LAMB3: variants seen among roughly 807,000 people sequenced by gnomAD.
LAMB3 encodes laminin subunit beta-3.
In LAMB3, 104 loss-of-function variants were observed where a neutral mutation model predicts 140.3. That is an observed-to-expected ratio of 0.74 (90% CI 0.63 to 0.87). LAMB3 has a LOEUF of 0.87. LAMB3 is among the 40% of genes least tolerant of loss of function. The probability of loss-of-function intolerance (pLI) is 0.00; values close to 1 mark genes in which losing one functional copy is unlikely to be tolerated. For synonymous variants in LAMB3, 592 were observed against 602.9 expected, an observed-to-expected ratio of 0.98 and a Z score of 0.26; for missense variants, 1,531 against 1,575.2, an observed-to-expected ratio of 0.97 and a Z score of 0.47.
In LAMB3 at chr1:209,616,550, C is replaced by T; in HGVS notation, c.3303G>A (p.Gln1101=). 6.2e-7 allele frequency: 1 copy of T among 1,614,146 alleles called. No individual in the cohort carries two copies. Among genetic ancestry groups the T allele is most frequent in the Non-Finnish European group, 8.5e-7 (1 of 1,179,994 alleles). Residue 1101 remains glutamine (Q), a synonymous_variant, in exon 22 of 23, where the codon CAG becomes CAA. Transcript: ENST00000356082. The part of the protein sequence containing the change: ...RLGQSSMLGE[Q]GARIQSVKTE... ...TCTTCACACTCTGGATCCGGGCACCCTGCTCACCCAGCATGGAACTCTGAC... is the reference window on the plus strand; with the variant it reads ...TCTTCACACTCTGGATCCGGGCACCTTGCTCACCCAGCATGGAACTCTGAC...
In LAMB3 at chr1:209,626,008, C is replaced by T. The variant is rs530692211; in HGVS notation, c.1616G>A (p.Arg539Gln). The change falls in exon 14 of 23, where the codon CGG becomes CAG. Residue 539 changes from arginine to glutamine, a missense_variant. By Grantham distance (43) the Arg-to-Gln change is conservative. Transcript: ENST00000356082. ...TGCRACDCDFRGTEGPGCDKA... is the reference protein window; with the variant it reads ...TGCRACDCDFQGTEGPGCDKA... ...GTCGCAGCCCGGGCCCTCTGTTCCC[C>T]GGAAATCACAGTCACAGGCTAGGGC... The T allele has an allele frequency of 2.8e-4, 458 of 1,612,854 alleles. 3 individuals carry two copies. In the South Asian group the frequency reaches 3.3e-3, roughly 12 times the overall value.
At chr1:209,650,890 C>T (rs746457027) in intron 2 of LAMB3, 27 bp downstream of exon 2, 28 of 1,612,262 alleles carry the variant, frequency 1.7e-5, no homozygotes, top group Non-Finnish European at 2.3e-5. Flanking sequence ...TATAACAGGG[C>T]CTGGAAGGAT....
Position 209,634,512 on chromosome 1 carries a change from T to A in LAMB3, c.499A>T (p.Ser167Cys). 6 of 1,614,062 alleles carry A rather than the reference T, an allele frequency of 3.7e-6. No homozygotes were observed. Among genetic ancestry groups the A allele is most frequent in the Non-Finnish European group, 5.1e-6 (6 of 1,179,994 alleles). The part of the protein sequence containing the change: ...FPRVRQGRPQ[S>C]WQDVRCQSLP... ...GACTGGCACCGAACATCCTGCCAGC[T>A]CTGAGGCCGACCCTGGCGGACCCGA... is the stretch of plus-strand genomic sequence containing the variant. The change falls in exon 6 of 23, where the codon AGC becomes TGC. Residue 167 changes from serine (S) to cysteine (C), a missense_variant. Ser to Cys is a moderately radical substitution (Grantham distance 112). Transcript: ENST00000356082.
intron 3 of LAMB3, among the ~76,000 whole-genome samples, chr1:209,640,810 G>A (rs181598581): frequency 1.3e-5 from 2 of 152,090 alleles, no homozygotes; most frequent in Admixed American, 6.5e-5. Flanking sequence ...GGCCAGGCGC[G>A]GTGGCTCACG....
intron 3 of LAMB3, among the ~76,000 whole-genome samples, chr1:209,648,791 T>C (rs2102464028): frequency 6.6e-6 from 1 of 152,192 alleles, no homozygotes; most frequent in East Asian, 1.9e-4. Context: ...TTTTTAGATA[T>C]GGGCTCATAA....
At position 209,615,048 on chromosome 1, in the gene LAMB3, A is replaced by T; in HGVS notation, c.*223T>A. Reference sequence around the variant, plus strand: ...CTTGAGAGCTCTTAGTTTCAATGGCATGCCAATCTCCACCATCTTTGTCTG... The same window carrying T: ...CTTGAGAGCTCTTAGTTTCAATGGCTTGCCAATCTCCACCATCTTTGTCTG... On this transcript the variant is annotated 3_prime_UTR_variant, in exon 23 of 23. Transcript: ENST00000356082. 1.8e-6 allele frequency: 1 copy of T among 564,320 alleles called. No homozygotes were observed. The allele number at this position is 564,320 out of a possible 1,614,324, so 35.0% of individuals were successfully genotyped here. A position where few individuals can be genotyped will look rare whatever the true frequency, so the allele number is the denominator to read the frequency against.
At position 209,618,678 on chromosome 1, in the gene LAMB3, T is replaced by G. The variant is rs1417334816; in HGVS notation, c.2702-19A>C. ...TCGGGGTCTGGAAGACAACACGCAT[T>G]TGACTGTAGGAGCCCACTAACCTCC... On this transcript the variant is annotated intron_variant, in intron 18 of 22. Transcript: ENST00000356082. The G allele has an allele frequency of 6.2e-7, 1 of 1,612,044 alleles. No individual in the cohort carries two copies. Among genetic ancestry groups the G allele is most frequent in the Admixed American group, 1.7e-5 (1 of 59,898 alleles).
rs1392249491 is a variant in LAMB3, at chr1:209,632,772, C to T, written c.633G>A (p.Val211=). The T allele has an allele frequency of 6.2e-6, 10 of 1,614,168 alleles. No individual in the cohort carries two copies. Among genetic ancestry groups the T allele is most frequent in the East Asian group, 2.2e-5 (1 of 44,880 alleles). Residue 211 remains valine (V), a synonymous_variant, in exon 8 of 23, where the codon GTG becomes GTA. Coordinates refer to ENST00000356082, the MANE Select transcript of LAMB3 (RefSeq NM_000228.3). ...TGACTCTCAAGTTTGTGATCTCCCC[C>T]ACCTCTGAGAGGGCCAAACAGCAAG... The part of the protein sequence containing the change: ...PATQSQKIQE[V]GEITNLRVNF...
chr1:209,645,447 T>C (rs2076507943), intron 3 of LAMB3, among the ~76,000 whole-genome samples: 1 of 151,740 alleles, frequency 6.6e-6, no homozygotes, highest in Non-Finnish European at 1.5e-5. Context: ...CCGGGGGGAG[T>C]GGCTCACACC....
chr1:209,629,897 T>C lies in LAMB3; in HGVS notation c.972A>G (p.Thr324=). 1 of 1,614,130 alleles carries C rather than the reference T, an allele frequency of 6.2e-7. No homozygotes were observed. Among genetic ancestry groups the C allele is most frequent in the Non-Finnish European group, 8.5e-7 (1 of 1,180,024 alleles). ...CAAACACAGCGGGGTCAAAGTGACA[T>C]GTCTCTGAGTGCCCATTGCAGTCGC... ...QRCDCNGHSE[T]CHFDPAVFAA... The change falls in exon 10 of 23, where the codon ACA becomes ACG. Residue 324 remains threonine, a synonymous_variant. Transcript: ENST00000356082.
intron 3 of LAMB3, among the ~76,000 whole-genome samples, chr1:209,646,056 C>T (rs1039197743): frequency 6.6e-6 from 1 of 152,196 alleles, no homozygotes; most frequent in African/African-American, 2.4e-5. Context: ...GAGGAATGCG[C>T]TGTGTAAGAC....
chr1:209,632,977 C>T (rs1666749884), intron 7 of LAMB3, 93 bp downstream of exon 7: 1 of 1,143,176 alleles, frequency 8.7e-7, no homozygotes, highest in Non-Finnish European at 1.3e-6. Context: ...TTGACAAAAA[C>T]ATGAAAGACC....
At position 209,650,034 on chromosome 1, in the gene LAMB3, G is replaced by A. The variant is rs1220277494; in HGVS notation, c.113C>T (p.Thr38Ile). The stretch of plus-strand genomic sequence containing the variant: ...GGTAGATGAAGCTCGGAGAAACCGG[G>A]TCCTCCCAACAAGCAGGTCCCCAAC... ...PPVGDLLVGR[T>I]RFLRASSTCG... The change falls in exon 3 of 23, where the codon ACC (threonine) becomes ATC (isoleucine). Residue 38 changes from threonine to isoleucine, a missense_variant. By Grantham distance (89) the Thr-to-Ile change is moderately conservative. Coordinates refer to ENST00000356082, the MANE Select transcript of LAMB3 (RefSeq NM_000228.3). 3 of 1,614,038 alleles carry A rather than the reference G, an allele frequency of 1.9e-6. No individual in the cohort carries two copies. The highest frequency in any genetic ancestry group is 2.7e-5 in the African/African-American group (2 of 74,922).
At chr1:209,628,213 G>T in intron 10 of LAMB3, 23 bp from the exon 11 acceptor site, 3 of 1,551,720 alleles carry the variant, frequency 1.9e-6, no homozygotes, top group Non-Finnish European at 2.6e-6. Flanking sequence ...AGCAGCCACC[G>T]CAGTAGGAAC....
chr1:209,634,507 C>T lies in LAMB3; in HGVS notation c.504G>A (p.Trp168Ter), dbSNP rs1163346468. ...GCAGGGACTGGCACCGAACATCCTG[C>T]CAGCTCTGAGGCCGACCCTGGCGGA... ...PRVRQGRPQS[W>*]QDVRCQSLPQ... The change falls in exon 6 of 23, where the codon TGG becomes TGA. Residue 168 changes from tryptophan to a stop codon, truncating the protein, a stop_gained. Coordinates refer to ENST00000356082, the MANE Select transcript of LAMB3 (RefSeq NM_000228.3). LOFTEE classifies it high-confidence loss of function. The T allele has an allele frequency of 6.2e-7, 1 of 1,614,114 alleles. No individual in the cohort carries two copies. The highest frequency in any genetic ancestry group is 8.5e-7 in the Non-Finnish European group (1 of 1,180,030).
chr1:209,630,774 A>G (rs769330009), intron 8 of LAMB3, 39 bp from the exon 9 acceptor site: 34 of 1,610,524 alleles, frequency 2.1e-5, no homozygotes, highest in Non-Finnish European at 2.8e-5. Flanking sequence ...GTAATCAACA[A>G]AGAAGGGCAC....
chr1:209,646,573 T>C (rs962892643), intron 3 of LAMB3, among the ~76,000 whole-genome samples: 9 of 152,124 alleles, frequency 5.9e-5, no homozygotes, highest in Admixed American at 1.3e-4. Context: ...CTAAGTCAGA[T>C]TGGCACCGAT....
At chr1:209,639,116 G>A (rs2076440989) in intron 3 of LAMB3, among the ~76,000 whole-genome samples, 1 of 152,110 alleles carries the variant, frequency 6.6e-6, no homozygotes, top group South Asian at 2.1e-4. Context: ...CAGAGAGAGA[G>A]GACTCCAAAA....
At chr1:209,650,143 G>T in intron 2 of LAMB3, 25 bp from the exon 3 acceptor site, 1 of 1,603,178 alleles carries the variant, frequency 6.2e-7, no homozygotes, top group South Asian at 1.1e-5. Flanking sequence ...ATGTGTGATG[G>T]AGCAGTCCAG....
Sources: gnomAD v4.1 joint callset for allele counts (sites outside exome capture counted in the v4.1 genomes callset) on GRCh38, gnomAD v4.1.1 for gene constraint, MANE v1.5 for transcripts, NCBI Gene and HGNC (gene_info 2026-07-23, HGNC 2026-07-21) for gene names.